Variants in SCLY observed in about 807,000 individuals in gnomAD.
SCLY encodes the protein selenocysteine lyase, also known as putative selenocysteine lyase.
A neutral mutation model predicts 50.1 loss-of-function variants in SCLY; 38 were observed. The ratio of observed to expected loss-of-function variants is 0.76; its 90% CI spans 0.59 to 0.99. The LOEUF (loss-of-function observed/expected upper bound fraction) is 0.99, where lower values mean the gene tolerates loss of function less well. SCLY is among the 50% of genes least tolerant of loss of function. The pLI is 0.00. For missense variants in SCLY, 600 were observed against 620.0 expected (o/e 0.97, Z 0.34); for synonymous variants, 243 against 249.4 (o/e 0.97, Z 0.24).
In SCLY at chr2:238,067,280, A is replaced by G. The variant is rs2065079765; in HGVS notation, c.203-785A>G. On this transcript the variant is annotated intron_variant, in intron 2 of 11. Transcript: ENST00000254663. The surrounding 1 kb of genome is among the most constrained non-coding windows in gnomAD (Gnocchi z 4.3). ...AGCAGCAGAATTACTTTGCATATTTATTTTACCTCAGCTTTTTATATTTCT... is the reference window on the plus strand; with the variant it reads ...AGCAGCAGAATTACTTTGCATATTTGTTTTACCTCAGCTTTTTATATTTCT... Among the ~76,000 whole-genome samples, 1 of 152,126 alleles carries G rather than the reference A, an allele frequency of 6.6e-6. No individual in the cohort carries two copies. The highest frequency in any genetic ancestry group is 6.5e-5 in the Admixed American group (1 of 15,284).
intron 4 of SCLY, 121 bp from the exon 5 acceptor site, chr2:238,081,588 T>G: frequency 7.2e-7 from 1 of 1,387,478 alleles, no homozygotes; most frequent in South Asian, 1.4e-5. Flanking sequence ...CTTTATAGTC[T>G]TCTGAACTTG....
chr2:238,071,469 C>T (rs1468261560), intron 4 of SCLY, among the ~76,000 whole-genome samples: 4 of 151,746 alleles, frequency 2.6e-5, no homozygotes, highest in Non-Finnish European at 4.4e-5. Flanking sequence ...TTTAGCCGGG[C>T]GTGGTGGTGG....
rs952155383 is a variant in SCLY, at chr2:238,066,273, G to A, written c.203-1792G>A. Among the ~76,000 whole-genome samples, 10 of 152,204 alleles carry A rather than the reference G, an allele frequency of 6.6e-5. No homozygotes were observed. The highest frequency in any genetic ancestry group is 2.1e-4 in the South Asian group (1 of 4,836). On this transcript the variant is annotated intron_variant, in intron 2 of 11. Transcript: ENST00000254663. The surrounding 1 kb of genome is among the most constrained non-coding windows in gnomAD (Gnocchi z 4.1). ...CCCACTGCAGTCACATCATAGTGAC[G>A]GAAGCCTCTGGAAGGTTCACCATAT... is the stretch of plus-strand genomic sequence containing the variant.
At chr2:238,063,512 C>A (rs1244309336) in intron 1 of SCLY, among the ~76,000 whole-genome samples, 1 of 152,174 alleles carries the variant, frequency 6.6e-6, no homozygotes, top group Non-Finnish European at 1.5e-5. Context: ...CGTGAGCCAC[C>A]GCGCCCAGCC....
chr2:238,094,807 C>T, intron 10 of SCLY: 1 of 407,056 alleles, frequency 2.5e-6, no homozygotes, highest in Non-Finnish European at 4.3e-6. Flanking sequence ...ACCCCAAAAG[C>T]CGTCAGGGAA....
chr2:238,073,292 G>A (rs1317769464), intron 4 of SCLY, among the ~76,000 whole-genome samples: 4 of 152,178 alleles, frequency 2.6e-5, no homozygotes, highest in Non-Finnish European at 5.9e-5. Context: ...AGGAAAGTAG[G>A]AGTTCTCCAA....
intron 4 of SCLY, chr2:238,080,427 G>T: frequency 6.6e-6 from 1 of 152,230 alleles, no homozygotes; most frequent in East Asian, 1.9e-4. Flanking sequence ...TTGATGTAGG[G>T]GCTAGGGATG....
intron 8 of SCLY, chr2:238,091,550 C>CGCAT: frequency 1.2e-5 from 5 of 408,648 alleles, no homozygotes; most frequent in Admixed American, 3.7e-5. Flanking sequence ...GCAGGTTCAC[C>CGCAT]ATTCCCAAAG....
intron 4 of SCLY, among the ~76,000 whole-genome samples, chr2:238,073,339 A>T (rs2065143992): frequency 6.6e-6 from 1 of 152,202 alleles, no homozygotes. Context: ...GCTATTCTGC[A>T]TCTGTTGACA....
In SCLY at chr2:238,068,161, C is replaced by G. The variant is rs150178192; in HGVS notation, c.299C>G (p.Thr100Ser). 3.2e-5 allele frequency: 51 copies of G among 1,602,320 alleles called. No homozygotes were observed. Among genetic ancestry groups the G allele is most frequent in the Admixed American group, 8.5e-5 (5 of 58,944 alleles). ...PQDIIFTSGG[T>S]ESNNLVIHSV... is the part of the protein sequence containing the mutation. ...GATATAATCTTCACTTCCGGGGGCACTGAGGTAAAGCTTCTGAACACACTC... is the reference window on the plus strand; with the variant it reads ...GATATAATCTTCACTTCCGGGGGCAGTGAGGTAAAGCTTCTGAACACACTC... The change falls in exon 3 of 12, where the codon ACT (threonine) becomes AGT (serine). Residue 100 changes from threonine to serine, a missense_variant. By Grantham distance (58) the Thr-to-Ser change is moderately conservative. Coordinates refer to ENST00000254663, the MANE Select transcript of SCLY (RefSeq NM_016510.7).
At chr2:238,076,291 C>T (rs982874694) in intron 4 of SCLY, among the ~76,000 whole-genome samples, 10 of 152,170 alleles carry the variant, frequency 6.6e-5, no homozygotes, top group African/African-American at 2.4e-4. Flanking sequence ...GGGGTTTTGC[C>T]ATGTTGGCTG....
chr2:238,062,324 G>T (rs1038846506), intron 1 of SCLY, among the ~76,000 whole-genome samples: 3 of 152,108 alleles, frequency 2.0e-5, no homozygotes, highest in African/African-American at 7.2e-5. Context: ...CGGGCTGGGG[G>T]ATTCCTAGGA....
At chr2:238,094,143 G>A (rs1442698890) in intron 9 of SCLY, 199 bp downstream of exon 9, 4 of 626,300 alleles carry the variant, frequency 6.4e-6, no homozygotes, top group Non-Finnish European at 8.4e-6. Context: ...CAGGACCCTA[G>A]GCCAGGGGCA....
At chr2:238,063,357 ATTC>A (rs2065037404) in intron 1 of SCLY, among the ~76,000 whole-genome samples, 1 of 151,670 alleles carries the variant, frequency 6.6e-6, no homozygotes, top group Non-Finnish European at 1.5e-5. Flanking sequence ...GGTTCAAGCA[ATTC>A]TTCTGCCCCA....
chr2:238,074,400 G>A (rs767665048), intron 4 of SCLY, among the ~76,000 whole-genome samples: 1 of 152,094 alleles, frequency 6.6e-6, no homozygotes, highest in Non-Finnish European at 1.5e-5. Flanking sequence ...TTGTTCAAGG[G>A]TCAACTGTAC....
rs893249164 is a variant in SCLY, at chr2:238,098,264, T to G, written c.1247T>G (p.Leu416Arg). Residue 416 changes from leucine to arginine, a missense_variant, in exon 12 of 12, where the codon CTC becomes CGC. Physicochemically the swap from Leu to Arg is moderately radical, Grantham distance 102. Coordinates refer to ENST00000254663, the MANE Select transcript of SCLY (RefSeq NM_016510.7). ...PFDVARNALRLSVGRSTTRAE... is the reference protein window; with the variant it reads ...PFDVARNALRRSVGRSTTRAE... Reference sequence around the variant, plus strand: ...GACGTGGCCAGGAACGCGCTCCGGCTCAGCGTGGGCCGCAGCACCACCAGG... The same window carrying G: ...GACGTGGCCAGGAACGCGCTCCGGCGCAGCGTGGGCCGCAGCACCACCAGG... The G allele has an allele frequency of 3.1e-6, 5 of 1,610,398 alleles. No homozygotes were observed. Among genetic ancestry groups the G allele is most frequent in the Non-Finnish European group, 3.4e-6 (4 of 1,179,656 alleles).
intron 3 of SCLY, among the ~76,000 whole-genome samples, chr2:238,068,593 G>A (rs567268924): frequency 1.3e-5 from 2 of 152,246 alleles, no homozygotes; most frequent in South Asian, 4.1e-4. Context: ...TTGCATACTA[G>A]CTCGAGATAA....
intron 11 of SCLY, among the ~76,000 whole-genome samples, chr2:238,097,140 G>T (rs1221141731): frequency 2.0e-5 from 3 of 150,572 alleles, no homozygotes; most frequent in African/African-American, 7.3e-5. Flanking sequence ...TGGAGGGCCA[G>T]CGTGGCCGGG....
Position 238,098,341 on chromosome 2 carries a change from G to A in SCLY, c.1324G>A (p.Glu442Lys), listed in dbSNP as rs569576386. The change falls in exon 12 of 12, where the codon GAG becomes AAG. Residue 442 changes from glutamate (E) to lysine (K), a missense_variant. Glu to Lys is a moderately conservative substitution (Grantham distance 56). Transcript: ENST00000254663. The stretch of plus-strand genomic sequence containing the variant: ...CCTGAAGCAGGCCGTGGCGCAGCTG[G>A]AGGACCAGGCCTAGCACTGGGGCCG... Reference protein sequence around the residue: ...QDLKQAVAQLEDQA With the variant: ...QDLKQAVAQLKDQA 5 of 1,601,398 alleles carry A rather than the reference G, an allele frequency of 3.1e-6. No homozygotes were observed. In the East Asian group the frequency reaches 1.1e-4, roughly 36 times the overall value.
Sources: allele counts gnomAD v4.1 joint callset (sites outside exome capture counted in the v4.1 genomes callset), GRCh38; gene constraint gnomAD v4.1.1; non-coding constraint Gnocchi (gnomAD v3.1); transcripts MANE v1.5; gene names NCBI Gene and HGNC (gene_info 2026-07-23, HGNC 2026-07-21).